MREG: variants seen among roughly 807,000 people sequenced by gnomAD.
MREG encodes the protein dilute suppressor protein homolog.
Under a neutral mutation model 28.5 loss-of-function variants are expected in MREG, and 31 were observed. That is an observed-to-expected ratio of 1.09 (90% confidence interval 0.82 to 1.47). MREG has a LOEUF of 1.47. Among genes scored for constraint, MREG ranks in the 40% most tolerant of loss-of-function variants. The pLI is 0.00. For synonymous variants in MREG, 106 were observed against 95.2 expected (o/e 1.11, Z -0.66); for missense variants, 256 against 257.4 (o/e 0.99, Z 0.04).
At chr2:215,976,447 C>T (rs1012115303) in intron 2 of MREG, among the ~76,000 whole-genome samples, 2 of 152,196 alleles carry the variant, frequency 1.3e-5, no homozygotes, top group Non-Finnish European at 2.9e-5. Context: ...AAGGCTACTA[C>T]TCATCTGGGG....
intron 1 of MREG, among the ~76,000 whole-genome samples, chr2:216,009,814 G>A (rs1376624660): frequency 6.6e-6 from 1 of 152,130 alleles, no homozygotes; most frequent in Non-Finnish European, 1.5e-5. Flanking sequence ...GGGATTACAG[G>A]TGTGACCCAC....
At chr2:216,001,147 A>G (rs1694005724) in intron 1 of MREG, among the ~76,000 whole-genome samples, 1 of 151,842 alleles carries the variant, frequency 6.6e-6, no homozygotes, top group African/African-American at 2.4e-5. Context: ...TATCACATCC[A>G]TCCACACACA....
At chr2:216,007,587 G>A (rs1288089870) in intron 1 of MREG, among the ~76,000 whole-genome samples, 8 of 151,722 alleles carry the variant, frequency 5.3e-5, no homozygotes, top group East Asian at 1.9e-4. Flanking sequence ...GTGCCACCAC[G>A]CCCAGCTAAT....
chr2:215,961,650 C>T (rs556845711), intron 2 of MREG, among the ~76,000 whole-genome samples: 2 of 152,246 alleles, frequency 1.3e-5, no homozygotes, highest in Admixed American at 1.3e-4. Context: ...TGGTCTTGAA[C>T]TCCTGACCTC....
chr2:215,986,792 C>T (rs555273448), intron 2 of MREG, among the ~76,000 whole-genome samples: 4 of 152,308 alleles, frequency 2.6e-5, no homozygotes, highest in African/African-American at 9.6e-5. Flanking sequence ...GAGGCCTCCC[C>T]AGCCATGAGG....
intron 1 of MREG, among the ~76,000 whole-genome samples, chr2:216,005,336 A>G (rs1382472061): frequency 6.6e-6 from 1 of 151,752 alleles, no homozygotes; most frequent in Non-Finnish European, 1.5e-5. Flanking sequence ...GTGCACACAT[A>G]GGTGGGAAAG....
At chr2:215,982,048 C>T (rs1160556453) in intron 2 of MREG, among the ~76,000 whole-genome samples, 3 of 152,112 alleles carry the variant, frequency 2.0e-5, no homozygotes, top group East Asian at 1.9e-4. Context: ...TGGCCGGGCA[C>T]GGTGGCTCAC....
At chr2:215,940,151 T>C (rs1244903774), downstream of MREG, among the ~76,000 whole-genome samples, 1 of 152,238 alleles carries the variant, frequency 6.6e-6, no homozygotes, top group Non-Finnish European at 1.5e-5. Flanking sequence ...TAAATCCATA[T>C]GTTTAAGTGA....
intron 1 of MREG, among the ~76,000 whole-genome samples, chr2:216,020,806 T>C (rs1170428003): frequency 1.3e-5 from 2 of 152,224 alleles, no homozygotes; most frequent in Non-Finnish European, 2.9e-5. Context: ...AATAGTCCTG[T>C]TGGGCCAAAG....
chr2:215,954,749 G>A (rs1301971193), intron 2 of MREG, among the ~76,000 whole-genome samples: 1 of 151,476 alleles, frequency 6.6e-6, no homozygotes, highest in Admixed American at 6.6e-5. Flanking sequence ...TGTTGCCCAG[G>A]CTGGGGTGCA....
intron 2 of MREG, among the ~76,000 whole-genome samples, chr2:215,955,023 T>C (rs556845765): frequency 6.6e-6 from 1 of 152,322 alleles, no homozygotes; most frequent in South Asian, 2.1e-4. Flanking sequence ...TTTGTTAAGG[T>C]AATACATTTA....
At chr2:215,945,154 C>T (rs1449996141) in intron 4 of MREG, among the ~76,000 whole-genome samples, 157 bp from the exon 5 acceptor site, 4 of 152,228 alleles carry the variant, frequency 2.6e-5, no homozygotes, top group Non-Finnish European at 5.9e-5. Flanking sequence ...TGTAGAGACA[C>T]GCCTTAATCC....
intron 1 of MREG, among the ~76,000 whole-genome samples, chr2:215,996,928 C>T (rs1693890410): frequency 6.6e-6 from 1 of 152,124 alleles, no homozygotes; most frequent in African/African-American, 2.4e-5. Context: ...TTACAGGCGC[C>T]TGCCACCACG....
intron 2 of MREG, among the ~76,000 whole-genome samples, chr2:215,948,417 T>C (rs12621067): frequency 0.095 from 14,505 of 152,318 alleles, 878 homozygotes; most frequent in East Asian, 0.36. Flanking sequence ...CAAAGGCATG[T>C]TGAACGTGCA....
At chr2:215,957,544 G>T (rs1319596404) in intron 2 of MREG, among the ~76,000 whole-genome samples, 2 of 152,166 alleles carry the variant, frequency 1.3e-5, no homozygotes, top group Admixed American at 1.3e-4. Flanking sequence ...GAGCCACAGA[G>T]GTCTGAGATT....
chr2:215,992,329 T>C (rs1308451498), intron 2 of MREG, among the ~76,000 whole-genome samples: 1 of 152,184 alleles, frequency 6.6e-6, no homozygotes, highest in Non-Finnish European at 1.5e-5. Context: ...AGAAAAGGTC[T>C]TCAATAAAAT....
chr2:216,029,270 G>A (rs745541184), intron 1 of MREG, among the ~76,000 whole-genome samples: 5 of 152,170 alleles, frequency 3.3e-5, no homozygotes, highest in Non-Finnish European at 7.3e-5. Context: ...ACGAGGTCAA[G>A]AGATTGAGAC....
chr2:215,945,243 G>T (rs909688799), intron 4 of MREG, among the ~76,000 whole-genome samples: 1 of 152,048 alleles, frequency 6.6e-6, no homozygotes, highest in Non-Finnish European at 1.5e-5. Flanking sequence ...AGTCTTATAG[G>T]TTAAATAAAC....
intron 1 of MREG, among the ~76,000 whole-genome samples, chr2:216,031,439 A>AAGAAAGAAAAAGAAAGAAAGAG: frequency 7.0e-6 from 1 of 142,602 alleles, no homozygotes; most frequent in East Asian, 2.0e-4. Context: ...AAAAGAAAGA[A>AAGAAAGAAAAAGAAAGAAAGAG]AGAAAAAGAA....
Sources: gnomAD v4.1 joint callset for allele counts (sites outside exome capture counted in the v4.1 genomes callset) on GRCh38, gnomAD v4.1.1 for gene constraint, MANE v1.5 for transcripts, NCBI Gene and HGNC (gene_info 2026-07-23, HGNC 2026-07-21) for gene names.